PPARGC1B: variants seen among roughly 807,000 people sequenced by gnomAD.
The protein encoded by PPARGC1B is peroxisome proliferator-activated receptor gamma coactivator 1-beta.
Under a neutral mutation model 101.6 loss-of-function variants are expected in PPARGC1B, and 34 were observed. The observed-to-expected ratio is 0.33, with a 90% confidence interval of 0.25 to 0.45. PPARGC1B has a LOEUF of 0.45. PPARGC1B is among the 20% of genes least tolerant of loss of function. The pLI is 1.00. For synonymous variants in PPARGC1B, 548 were observed against 539.3 expected, an observed-to-expected ratio of 1.02 and a Z score of -0.22; for missense variants, 1,234 against 1,317.6, an observed-to-expected ratio of 0.94 and a Z score of 0.98.
At chr5:149,814,918 C>A (rs576605753) in intron 1 of PPARGC1B, among the ~76,000 whole-genome samples, 1 of 152,238 alleles carries the variant, frequency 6.6e-6, no homozygotes, top group Non-Finnish European at 1.5e-5. Flanking sequence ...AGAGGCCCTA[C>A]ACACGGGCCG....
chr5:149,847,151 C>T (rs558341819), intron 11 of PPARGC1B: 4 of 490,088 alleles, frequency 8.2e-6, no homozygotes, highest in African/African-American at 5.8e-5. Context: ...TACTAATGGA[C>T]GAGAAGCTGT....
At chr5:149,803,236 G>A (rs939798197) in intron 1 of PPARGC1B, among the ~76,000 whole-genome samples, 3 of 152,150 alleles carry the variant, frequency 2.0e-5, no homozygotes, top group South Asian at 2.1e-4. Context: ...CCCATCCAGT[G>A]TTCTCTACTA....
chr5:149,791,423 G>C (rs1422914330), intron 1 of PPARGC1B, among the ~76,000 whole-genome samples: 1 of 152,068 alleles, frequency 6.6e-6, no homozygotes, highest in Non-Finnish European at 1.5e-5. Flanking sequence ...CTCATTGGAT[G>C]AATGAGCACC....
intron 1 of PPARGC1B, among the ~76,000 whole-genome samples, chr5:149,767,377 A>G (rs891808690): frequency 1.3e-5 from 2 of 152,226 alleles, no homozygotes; most frequent in Admixed American, 6.5e-5. Flanking sequence ...ATGATGGCTT[A>G]TTCAGGACTC....
chr5:149,803,516 G>A (rs1006186748), intron 1 of PPARGC1B, among the ~76,000 whole-genome samples: 2 of 152,212 alleles, frequency 1.3e-5, no homozygotes, highest in Non-Finnish European at 2.9e-5. Context: ...GTACTTACAT[G>A]TGCGTATGGC....
intron 1 of PPARGC1B, chr5:149,818,968 C>T: frequency 9.2e-6 from 4 of 434,734 alleles, no homozygotes; most frequent in Non-Finnish European, 1.9e-5. Context: ...AGAACATCAC[C>T]AAGCCATTCT....
chr5:149,843,133 A>C (rs1759415442), intron 10 of PPARGC1B, among the ~76,000 whole-genome samples: 1 of 151,920 alleles, frequency 6.6e-6, no homozygotes, highest in Non-Finnish European at 1.5e-5. Context: ...GCGCCACTGC[A>C]CTCCAGCCTG....
chr5:149,833,904 C>A lies in PPARGC1B; in HGVS notation c.1705+126C>A. 7.5e-7 allele frequency: 1 copy of A among 1,335,608 alleles called. No homozygotes were observed. 82.7% of individuals were successfully genotyped at this position (1,335,608 alleles called of 1,614,324 possible). A position where few individuals can be genotyped will look rare whatever the true frequency, so the allele number is the denominator to read the frequency against. Reference sequence around the variant, plus strand: ...CAACAAAGTGTTATATGGGTTTGGACAAGTCCCTTCCCCTCCCTGGCTTTC... The same window carrying A: ...CAACAAAGTGTTATATGGGTTTGGAAAAGTCCCTTCCCCTCCCTGGCTTTC... On this transcript the variant is annotated intron_variant, in intron 5 of 11. Coordinates refer to ENST00000309241, the MANE Select transcript of PPARGC1B (RefSeq NM_133263.4). The surrounding 1 kb of genome is among the most constrained non-coding windows in gnomAD (Gnocchi z 4.1).
chr5:149,811,710 G>C (rs898675135), intron 1 of PPARGC1B, among the ~76,000 whole-genome samples: 2 of 152,198 alleles, frequency 1.3e-5, no homozygotes, highest in African/African-American at 4.8e-5. Context: ...GCCTGGATGG[G>C]ATTAGCTTTG....
chr5:149,790,187 G>A (rs376420515), intron 1 of PPARGC1B, among the ~76,000 whole-genome samples: 1 of 152,308 alleles, frequency 6.6e-6, no homozygotes, highest in African/African-American at 2.4e-5. Flanking sequence ...TACTCAGTAT[G>A]AGGGAGTGGT....
At position 149,833,020 on chromosome 5, in the gene PPARGC1B, G is replaced by A; in HGVS notation, c.947G>A (p.Cys316Tyr). Residue 316 changes from cysteine (C) to tyrosine (Y), a missense_variant, in exon 5 of 12, where the codon TGC becomes TAC. Physicochemically the swap from Cys to Tyr is radical, Grantham distance 194. This residue lies in a region of PPARGC1B where 734 missense variants were observed against 768.4 expected (regional missense o/e 0.96). Coordinates refer to ENST00000309241, the MANE Select transcript of PPARGC1B (RefSeq NM_133263.4). This position sits in a 1 kb window ranked among gnomAD's most constrained non-coding sequence, Gnocchi z 4.1. ...PQTPEPLPKA[C>Y]SNPSQQVRSR... ...ACCCCTGAGCCACTCCCCAAGGCCT[G>A]CAGCAACCCCTCCCAGCAGGTCAGA... is the stretch of plus-strand genomic sequence containing the variant. The A allele has an allele frequency of 6.2e-7, 1 of 1,613,666 alleles. No homozygotes were observed. Among genetic ancestry groups the A allele is most frequent in the East Asian group, 2.2e-5 (1 of 44,876 alleles).
chr5:149,833,151 C>T lies in PPARGC1B; in HGVS notation c.1078C>T (p.Arg360Cys), dbSNP rs1477316188. 6 of 1,613,712 alleles carry T rather than the reference C, an allele frequency of 3.7e-6. No individual in the cohort carries two copies. The highest frequency in any genetic ancestry group is 2.2e-5 in the South Asian group (2 of 91,086). ...GCTCTGTGATGTCAGCAAACCCTAC[C>T]GTCTGGCCACGCCTGTTTATGCCTC... ...DVLCDVSKPY[R>C]LATPVYASLT... The change falls in exon 5 of 12, where the codon CGT (arginine) becomes TGT (cysteine). Residue 360 changes from arginine to cysteine, a missense_variant. Physicochemically the swap from Arg to Cys is radical, Grantham distance 180. Transcript: ENST00000309241. This position sits in a 1 kb window ranked among gnomAD's most constrained non-coding sequence, Gnocchi z 4.1.
At chr5:149,780,921 C>T (rs564502264) in intron 1 of PPARGC1B, among the ~76,000 whole-genome samples, 4 of 152,222 alleles carry the variant, frequency 2.6e-5, no homozygotes, top group East Asian at 1.9e-4. Flanking sequence ...AGGGGCTTTC[C>T]GGCAGGGCGC....
chr5:149,750,451 A>AT (rs1755244430), intron 1 of PPARGC1B, among the ~76,000 whole-genome samples: 1 of 69,774 alleles, frequency 1.4e-5, no homozygotes, highest in African/African-American at 5.2e-5. Context: ...TGTTTTAGTT[A>AT]AAATATATAT....
chr5:149,793,958 A>G (rs992936172), intron 1 of PPARGC1B, among the ~76,000 whole-genome samples: 2 of 152,208 alleles, frequency 1.3e-5, no homozygotes, highest in Admixed American at 1.3e-4. Flanking sequence ...CGCCAAATCC[A>G]ATCAGCTGCC....
In PPARGC1B at chr5:149,755,551, T is replaced by G. The variant is rs190802509; in HGVS notation, c.78+25131T>G. Among the ~76,000 whole-genome samples, 6 of 152,112 alleles carry G rather than the reference T, an allele frequency of 3.9e-5. No individual in the cohort carries two copies. The South Asian group carries it at 1.2e-3, about 32-fold the overall frequency. ...TTGGGCCACGGTTGCAGAAGATGGC[T>G]GAAACAGTGCGGGAGTCCTTCTTGT... On this transcript the variant is annotated intron_variant, in intron 1 of 11. Coordinates refer to ENST00000309241, the MANE Select transcript of PPARGC1B (RefSeq NM_133263.4).
At chr5:149,784,560 C>CTTTT (rs72364863) in intron 1 of PPARGC1B, among the ~76,000 whole-genome samples, 16 of 75,712 alleles carry the variant, frequency 2.1e-4, no homozygotes, top group Non-Finnish European at 2.4e-4. Context: ...AACTGAGTTT[C>CTTTT]TTTTTTTTTT....
In PPARGC1B at chr5:149,772,028, T is replaced by A. The variant is rs1581035186; in HGVS notation, c.78+41608T>A. The stretch of plus-strand genomic sequence containing the variant: ...GGAAGCAGGCTCAGAGAAGTGAAGG[T>A]TTCCAACTTAGACGTGCCAGGCTGT... On this transcript the variant is annotated intron_variant, in intron 1 of 11. Transcript: ENST00000309241. 2.0e-6 allele frequency: 3 copies of A among 1,490,320 alleles called. No individual in the cohort carries two copies. The Admixed American group carries it at 7.4e-5, about 37-fold the overall frequency. The allele number at this position is 1,490,320 out of a possible 1,614,324, so 92.3% of individuals were successfully genotyped here. A position where few individuals can be genotyped will look rare whatever the true frequency, so the allele number is the denominator to read the frequency against.
chr5:149,798,225 A>C lies in PPARGC1B; in HGVS notation c.79-22208A>C, dbSNP rs897315113. ...CCACCATTGCCTCCAAAGTAGCCCCATCAGCTAAACCTACAACTGATTTGA... is the reference window on the plus strand; with the variant it reads ...CCACCATTGCCTCCAAAGTAGCCCCCTCAGCTAAACCTACAACTGATTTGA... On this transcript the variant is annotated intron_variant, in intron 1 of 11. Coordinates refer to ENST00000309241, the MANE Select transcript of PPARGC1B (RefSeq NM_133263.4). Among the ~76,000 whole-genome samples the C allele has an allele frequency of 2.0e-4, 30 of 152,248 alleles. 1 individual carries two copies. Among genetic ancestry groups the C allele is most frequent in the African/African-American group, 6.3e-4 (26 of 41,464 alleles).
Sources: gnomAD v4.1 joint callset for allele counts (sites outside exome capture counted in the v4.1 genomes callset) on GRCh38, gnomAD v4.1.1 for gene constraint, gnomAD v4.1.1 regional missense constraint, Gnocchi (gnomAD v3.1) non-coding constraint, MANE v1.5 for transcripts, NCBI Gene and HGNC (gene_info 2026-07-23, HGNC 2026-07-21) for gene names.